The following KCNIP4 variants were observed in gnomAD, a reference collection of about 807,000 sequenced individuals.
KCNIP4 encodes potassium voltage-gated channel interacting protein 4.
A neutral mutation model predicts 34.0 loss-of-function variants in KCNIP4; 12 were observed. That is an observed-to-expected ratio of 0.35 (90% CI 0.23 to 0.57). The LOEUF is 0.57. Among genes scored for constraint, KCNIP4 ranks in the 20% least tolerant of loss-of-function variants. The pLI, the probability that KCNIP4 is intolerant of heterozygous loss-of-function variation, is 0.83. For missense variants in KCNIP4, 238 were observed against 311.7 expected (o/e 0.76, Z 1.78); for synonymous variants, 124 against 102.2 (o/e 1.21, Z -1.29).
intron 1 of KCNIP4, among the ~76,000 whole-genome samples, chr4:20,912,685 A>C (rs1728440179): frequency 6.6e-6 from 1 of 152,208 alleles, no homozygotes; most frequent in African/African-American, 2.4e-5. Context: ...ACATCTCAAC[A>C]ATAAAAAGAC....
At chr4:21,906,003 C>T (rs895888200) in intron 1 of KCNIP4, among the ~76,000 whole-genome samples, 2 of 152,218 alleles carry the variant, frequency 1.3e-5, no homozygotes, top group South Asian at 4.1e-4. Flanking sequence ...CCACTCACTC[C>T]CAGTCAAATC....
chr4:21,495,388 A>G (rs1732769966), intron 1 of KCNIP4, among the ~76,000 whole-genome samples: 2 of 152,138 alleles, frequency 1.3e-5, no homozygotes, highest in Admixed American at 1.3e-4. Flanking sequence ...AGTGCCTCTG[A>G]GATACCTTCT....
Position 21,948,665 on chromosome 4 carries a change from A to G in KCNIP4, c.-34T>C. 6.2e-7 allele frequency: 1 copy of G among 1,604,764 alleles called. No homozygotes were observed. The highest frequency in any genetic ancestry group is 8.5e-7 in the Non-Finnish European group (1 of 1,175,306). ...ACGCAGGGTGCAGAAGCGAGACTCGAGAGTCCACCGGCCAGGGGCGTCTGT... is the reference window on the plus strand; with the variant it reads ...ACGCAGGGTGCAGAAGCGAGACTCGGGAGTCCACCGGCCAGGGGCGTCTGT... On this transcript the variant is annotated 5_prime_UTR_variant, in exon 1 of 9. Coordinates refer to ENST00000382152, the MANE Select transcript of KCNIP4 (RefSeq NM_025221.6).
chr4:20,803,039 C>T (rs1489340725), intron 3 of KCNIP4, among the ~76,000 whole-genome samples: 2 of 140,622 alleles, frequency 1.4e-5, no homozygotes, highest in African/African-American at 5.5e-5. Context: ...CGCTCCACTG[C>T]ACTCCAGCCT....
chr4:20,899,999 GC>G (rs1250904516), intron 1 of KCNIP4, among the ~76,000 whole-genome samples: 1 of 152,170 alleles, frequency 6.6e-6, no homozygotes, highest in African/African-American at 2.4e-5. Context: ...TATTAAGTCT[GC>G]CCTGATACTT....
chr4:21,582,096 T>TGGAATGGAATGGAATGGA (rs1577637268), intron 1 of KCNIP4: 1 of 151,106 alleles, frequency 6.6e-6, no homozygotes, highest in African/African-American at 2.4e-5. Context: ...TGGGATGGGA[T>TGGAATGGAATGGAATGGA]ATTGTCAGAG....
At chr4:21,705,273 T>G (rs1006557258) in intron 1 of KCNIP4, among the ~76,000 whole-genome samples, 1 of 152,154 alleles carries the variant, frequency 6.6e-6, no homozygotes, top group African/African-American at 2.4e-5. Context: ...CTTGTGGTGA[T>G]GGAAGTCTTC....
chr4:21,418,626 A>G (rs1435262659), intron 1 of KCNIP4, among the ~76,000 whole-genome samples: 2 of 152,196 alleles, frequency 1.3e-5, no homozygotes, highest in African/African-American at 4.8e-5. Context: ...ATGCAATTTT[A>G]AAAAATCATC....
chr4:21,397,344 A>T (rs1723092649), intron 1 of KCNIP4, among the ~76,000 whole-genome samples: 1 of 152,216 alleles, frequency 6.6e-6, no homozygotes, highest in South Asian at 2.1e-4. Context: ...TGATGGAGAC[A>T]TTGGTATTAA....
intron 1 of KCNIP4, among the ~76,000 whole-genome samples, chr4:21,413,411 A>C (rs1204883431): frequency 6.6e-6 from 1 of 152,130 alleles, no homozygotes; most frequent in Non-Finnish European, 1.5e-5. Flanking sequence ...CTTAAACCTA[A>C]TTGAGTTGAG....
At chr4:21,295,622 G>T (rs1323097131) in intron 1 of KCNIP4, among the ~76,000 whole-genome samples, 2 of 152,064 alleles carry the variant, frequency 1.3e-5, no homozygotes, top group African/African-American at 4.8e-5. Flanking sequence ...TGCCTGGAAT[G>T]CTCTTATCCC....
rs1219860825 is a variant in KCNIP4 at position 21,368,166 on chromosome 4, T to C, written c.62-485457A>G. 2.7e-5 allele frequency among the ~76,000 whole-genome samples: 4 copies of C among 146,896 alleles called. 1 individual carries two copies. In the East Asian group the frequency reaches 8.0e-4, roughly 29 times the overall value. The stretch of plus-strand genomic sequence containing the variant: ...CTTTGATTAGGGTAGTGATACCTAC[T>C]GAGTTGCAGTGATTAATGGAAACAC... On this transcript the variant is annotated intron_variant, in intron 1 of 8. Transcript: ENST00000382152.
intron 1 of KCNIP4, among the ~76,000 whole-genome samples, chr4:21,431,943 A>G (rs934982035): frequency 2.0e-5 from 3 of 150,938 alleles, no homozygotes; most frequent in Non-Finnish European, 4.4e-5. Flanking sequence ...AAAGCTACTG[A>G]TAAATAATAT....
intron 1 of KCNIP4, among the ~76,000 whole-genome samples, chr4:21,640,423 G>C (rs1380995328): frequency 6.6e-6 from 1 of 152,320 alleles, no homozygotes; most frequent in South Asian, 2.1e-4. Context: ...GATGAAAAGT[G>C]TGCCCTCTGG....
At chr4:21,834,705 T>C (rs1461767430) in intron 1 of KCNIP4, among the ~76,000 whole-genome samples, 1 of 151,908 alleles carries the variant, frequency 6.6e-6, no homozygotes, top group Non-Finnish European at 1.5e-5. Context: ...TTTTTGCCCA[T>C]TCAGTATGAT....
intron 1 of KCNIP4, among the ~76,000 whole-genome samples, chr4:21,455,892 G>A (rs1373583798): frequency 8.7e-6 from 1 of 114,894 alleles, no homozygotes. Flanking sequence ...TAACAGTTAG[G>A]ATTTTCCGTA....
At chr4:21,178,738 A>G (rs1229422992) in intron 1 of KCNIP4, among the ~76,000 whole-genome samples, 2 of 151,714 alleles carry the variant, frequency 1.3e-5, no homozygotes, top group Admixed American at 1.3e-4. Context: ...TTCTCATCTG[A>G]GGACCATATC....
chr4:21,048,133 T>A (rs529277611), intron 1 of KCNIP4, among the ~76,000 whole-genome samples: 5 of 152,370 alleles, frequency 3.3e-5, no homozygotes, highest in African/African-American at 1.2e-4. Flanking sequence ...ACTAATTAAC[T>A]GTATTAGTAA....
chr4:21,351,169 G>T (rs1328367234), intron 1 of KCNIP4, among the ~76,000 whole-genome samples: 3 of 152,072 alleles, frequency 2.0e-5, no homozygotes, highest in Non-Finnish European at 4.4e-5. Flanking sequence ...AATATTATGG[G>T]CTGAACTGTG....
Sources: gnomAD v4.1 joint callset for allele counts (sites outside exome capture counted in the v4.1 genomes callset) on GRCh38, gnomAD v4.1.1 for gene constraint, MANE v1.5 for transcripts, NCBI Gene and HGNC (gene_info 2026-07-23, HGNC 2026-07-21) for gene names.